The following SNTG1 variants were observed in gnomAD, a reference collection of about 807,000 sequenced individuals.
SNTG1 encodes the protein gamma-1-syntrophin.
SNTG1 carries 39 observed loss-of-function variants against 74.7 expected under a neutral mutation model. That is an observed-to-expected ratio of 0.52 (90% CI 0.40 to 0.68). SNTG1 has a LOEUF of 0.68. Among genes scored for constraint, SNTG1 ranks in the 30% least tolerant of loss-of-function variants. SNTG1 has a pLI of 0.00. For synonymous variants in SNTG1, 254 were observed against 217.1 expected (o/e 1.17, Z -1.49); for missense variants, 685 against 609.5 (o/e 1.12, Z -1.30).
At chr8:50,501,425 G>A (rs1285713699) in intron 8 of SNTG1, among the ~76,000 whole-genome samples, 1 of 57,082 alleles carries the variant, frequency 1.8e-5, no homozygotes. Context: ...GAGCCTGTGC[G>A]TTTTTTTTTT....
intron 2 of SNTG1, among the ~76,000 whole-genome samples, chr8:50,256,315 A>C (rs114752584): frequency 1.3e-5 from 2 of 152,290 alleles, no homozygotes; most frequent in African/African-American, 4.8e-5. Flanking sequence ...AAAATAAAGA[A>C]TAAAAAGTGA....
intron 2 of SNTG1, among the ~76,000 whole-genome samples, chr8:50,380,437 C>T (rs2092461357): frequency 6.6e-6 from 1 of 152,138 alleles, no homozygotes; most frequent in Non-Finnish European, 1.5e-5. Context: ...TTGCCTAGAG[C>T]AAACTCTATA....
intron 2 of SNTG1, among the ~76,000 whole-genome samples, chr8:50,259,429 G>A (rs2087044385): frequency 6.6e-6 from 1 of 151,190 alleles, no homozygotes; most frequent in Non-Finnish European, 1.5e-5. Context: ...AACCTGGGAG[G>A]TGGAGGTGGC....
chr8:50,623,247 T>C (rs1223034026), intron 13 of SNTG1, among the ~76,000 whole-genome samples: 2 of 152,138 alleles, frequency 1.3e-5, no homozygotes, highest in Non-Finnish European at 2.9e-5. Context: ...TGTCTTGTTT[T>C]TGATCTGAGA....
intron 2 of SNTG1, among the ~76,000 whole-genome samples, chr8:50,252,112 T>C (rs1205440299): frequency 1.3e-5 from 2 of 151,920 alleles, no homozygotes; most frequent in African/African-American, 2.4e-5. Flanking sequence ...CATTAACCAA[T>C]AGATCACTGA....
intron 18 of SNTG1, among the ~76,000 whole-genome samples, chr8:50,771,080 T>G (rs1480544246): frequency 6.6e-6 from 1 of 152,052 alleles, no homozygotes; most frequent in Non-Finnish European, 1.5e-5. Context: ...GGGGTGTTGC[T>G]CTACAGATAT....
intron 12 of SNTG1, among the ~76,000 whole-genome samples, chr8:50,568,240 T>TGTGTGTGTGTGTGC (rs2094527230): frequency 6.6e-6 from 1 of 152,016 alleles, no homozygotes; most frequent in Non-Finnish European, 1.5e-5. Flanking sequence ...TGTGTGTGTG[T>TGTGTGTGTGTGTGC]GTGTGTGTGT....
chr8:50,178,460 A>G (rs2131697161), intron 2 of SNTG1, among the ~76,000 whole-genome samples: 1 of 152,018 alleles, frequency 6.6e-6, no homozygotes, highest in African/African-American at 2.4e-5. Flanking sequence ...GAGGTTATCT[A>G]ACATGTTAGT....
At chr8:50,444,259 A>G (rs535223069) in intron 5 of SNTG1, among the ~76,000 whole-genome samples, 1 of 152,316 alleles carries the variant, frequency 6.6e-6, no homozygotes, top group African/African-American at 2.4e-5. Flanking sequence ...TAAAATATAT[A>G]TATTAGTTGT....
intron 18 of SNTG1, among the ~76,000 whole-genome samples, chr8:50,788,851 C>A (rs976499072): frequency 3.9e-5 from 6 of 151,916 alleles, no homozygotes; most frequent in Non-Finnish European, 7.4e-5. Flanking sequence ...TCTCCTGCGG[C>A]CTCAGATCAA....
chr8:50,593,029 C>CTGGCTTTAAAA (rs2094702354), intron 13 of SNTG1, among the ~76,000 whole-genome samples: 1 of 152,104 alleles, frequency 6.6e-6, no homozygotes, highest in Admixed American at 6.6e-5. Flanking sequence ...GTTTTAAAAA[C>CTGGCTTTAAAA]ACATATAATC....
intron 2 of SNTG1, among the ~76,000 whole-genome samples, chr8:50,387,790 G>C (rs2092598254): frequency 6.6e-6 from 1 of 152,098 alleles, no homozygotes; most frequent in Non-Finnish European, 1.5e-5. Flanking sequence ...TGCCACTTGA[G>C]TGTACTTATA....
intron 2 of SNTG1, among the ~76,000 whole-genome samples, chr8:50,387,937 G>T (rs993005213): frequency 6.6e-6 from 1 of 152,122 alleles, no homozygotes; most frequent in East Asian, 1.9e-4. Context: ...ACTGAGCTCA[G>T]CTTCATCACA....
intron 2 of SNTG1, among the ~76,000 whole-genome samples, chr8:50,379,015 G>A (rs563461135): frequency 6.6e-6 from 1 of 152,232 alleles, no homozygotes; most frequent in African/African-American, 2.4e-5. Context: ...CTTTCACCCA[G>A]GAACCTGTCT....
At position 50,526,721 on chromosome 8, in the gene SNTG1, T is replaced by A. The variant is rs563037161; in HGVS notation, c.467-3456T>A. The stretch of plus-strand genomic sequence containing the variant: ...CTCATTGCAACCTCTGCCTCCTGAG[T>A]TCAAGCAGTTCTCCTGCTCAGCCAC... On this transcript the variant is annotated intron_variant, in intron 9 of 18. Coordinates refer to ENST00000642720, the MANE Select transcript of SNTG1 (RefSeq NM_018967.5). Among the ~76,000 whole-genome samples, 4 of 151,788 alleles carry A rather than the reference T, an allele frequency of 2.6e-5. No homozygotes were observed. The East Asian group carries it at 5.8e-4, about 22-fold the overall frequency.
At chr8:50,617,337 A>G (rs1486131207) in intron 13 of SNTG1, among the ~76,000 whole-genome samples, 1 of 151,948 alleles carries the variant, frequency 6.6e-6, no homozygotes, top group Non-Finnish European at 1.5e-5. Flanking sequence ...GCATGCATAA[A>G]AGGTTAATAT....
chr8:50,759,876 G>T (rs1238734229), intron 18 of SNTG1, among the ~76,000 whole-genome samples: 2 of 151,954 alleles, frequency 1.3e-5, no homozygotes, highest in East Asian at 1.9e-4. Flanking sequence ...TTCCAATTCT[G>T]TGAAGAAAGT....
At chr8:49,972,618 C>G (rs1297904749) in intron 1 of SNTG1, among the ~76,000 whole-genome samples, 3 of 151,168 alleles carry the variant, frequency 2.0e-5, no homozygotes, top group Non-Finnish European at 2.9e-5. Context: ...ACCTACTCAT[C>G]TGACAAAGGG....
chr8:50,450,753 CAT>C, intron 8 of SNTG1, 24 bp downstream of exon 8: 33 of 1,609,070 alleles, frequency 2.1e-5, no homozygotes, highest in Non-Finnish European at 2.8e-5. Context: ...TTCCTAATGT[CAT>C]AGTTTTCCCC....
Sources: allele counts gnomAD v4.1 joint callset (sites outside exome capture counted in the v4.1 genomes callset), GRCh38; gene constraint gnomAD v4.1.1; transcripts MANE v1.5; gene names NCBI Gene and HGNC (gene_info 2026-07-23, HGNC 2026-07-21).